The following YIPF1 variants were observed in gnomAD, a reference collection of about 807,000 sequenced individuals.
The protein encoded by YIPF1 is Yip1 domain family member 1, also known as protein YIPF1.
A neutral mutation model predicts 37.0 loss-of-function variants in YIPF1; 22 were observed. That is an observed-to-expected ratio of 0.59 (90% CI 0.42 to 0.85). YIPF1 has a LOEUF of 0.85. Ranked by LOEUF, YIPF1 falls within the 40% of genes least tolerant of loss-of-function variation. The pLI, the probability that YIPF1 is intolerant of heterozygous loss-of-function variation, is 0.00. For missense variants in YIPF1, 355 were observed against 373.1 expected, an observed-to-expected ratio of 0.95 and a Z score of 0.40; for synonymous variants, 128 against 131.9, an observed-to-expected ratio of 0.97 and a Z score of 0.21.
intron 7 of YIPF1, among the ~76,000 whole-genome samples, chr1:53,868,095 CA>C (rs1208961428): frequency 6.6e-6 from 1 of 152,194 alleles, no homozygotes; most frequent in Non-Finnish European, 1.5e-5. Flanking sequence ...CATGAATGTC[CA>C]AAACATGTTT....
intron 10 of YIPF1, among the ~76,000 whole-genome samples, chr1:53,856,719 G>A (rs1255463048): frequency 6.6e-6 from 1 of 152,148 alleles, no homozygotes; most frequent in Non-Finnish European, 1.5e-5. Flanking sequence ...ACTTGGCTAT[G>A]GCATTTAAAG....
chr1:53,854,145 G>A (rs1467199039), intron 10 of YIPF1, among the ~76,000 whole-genome samples: 2 of 152,056 alleles, frequency 1.3e-5, no homozygotes, highest in African/African-American at 4.8e-5. Flanking sequence ...CCAGCTACTC[G>A]GGAGGCTGAG....
chr1:53,875,831 C>T (rs1359738610), intron 6 of YIPF1, among the ~76,000 whole-genome samples: 1 of 152,184 alleles, frequency 6.6e-6, no homozygotes, highest in Non-Finnish European at 1.5e-5. Context: ...CAAAATTCAC[C>T]TTTTTAAATT....
At chr1:53,878,262 A>G in intron 6 of YIPF1, 53 bp downstream of exon 6, 1 of 1,579,530 alleles carries the variant, frequency 6.3e-7, no homozygotes, top group African/African-American at 1.3e-5. Flanking sequence ...GGCAACCCTC[A>G]CACTCACCCA....
At chr1:53,883,389 G>C in intron 3 of YIPF1, 113 bp from the exon 4 acceptor site, 1 of 1,179,404 alleles carries the variant, frequency 8.5e-7, no homozygotes. Context: ...GACCCTACCT[G>C]ATACAAAGGG....
At chr1:53,860,253 C>T (rs2100720885) in intron 9 of YIPF1, 100 bp from the exon 10 acceptor site, 1 of 1,021,570 alleles carries the variant, frequency 9.8e-7, no homozygotes, top group Admixed American at 2.3e-5. Flanking sequence ...ACTCTCACAG[C>T]CCCTAAGTTC....
At chr1:53,882,465 T>C (rs10749692) in intron 4 of YIPF1, among the ~76,000 whole-genome samples, 91,815 of 150,506 alleles carry the variant, frequency 0.61, 28,575 homozygotes, top group East Asian at 0.86. Context: ...TTTTTTTTTT[T>C]CTTTCTTCTG....
chr1:53,883,183 C>A lies in YIPF1; in HGVS notation c.125G>T (p.Gly42Val), dbSNP rs767979853. 1 of 1,602,164 alleles carries A rather than the reference C, an allele frequency of 6.2e-7. No homozygotes were observed. The highest frequency in any genetic ancestry group is 2.3e-5 in the East Asian group (1 of 43,714). Residue 42 changes from glycine to valine, a missense_variant, in exon 4 of 11, where the codon GGA (glycine) becomes GTA (valine). Physicochemically the swap from Gly to Val is moderately radical, Grantham distance 109 (BLOSUM62 -3). Coordinates refer to ENST00000072644, the MANE Select transcript of YIPF1 (RefSeq NM_018982.5). ...TTCTCTTCCTGAGCCTCTTGGGGAT[C>A]CTGGCTGATGTTTTGGGGTTTCACC... ...DPGETPKHQP[G>V]SPRGSGREED...
At chr1:53,867,485 G>T (rs1486508668) in intron 7 of YIPF1, among the ~76,000 whole-genome samples, 1 of 148,564 alleles carries the variant, frequency 6.7e-6, no homozygotes, top group Non-Finnish European at 1.5e-5. Flanking sequence ...CCATTCTCCT[G>T]CCTCAGCCTC....
At chr1:53,863,156 G>A (rs1040557525) in intron 9 of YIPF1, among the ~76,000 whole-genome samples, 33 of 152,324 alleles carry the variant, frequency 2.2e-4, no homozygotes, top group Non-Finnish European at 3.2e-4. Context: ...GCTCTTCTGA[G>A]TCCCTTACAG....
intron 4 of YIPF1, among the ~76,000 whole-genome samples, chr1:53,880,760 C>T (rs371057375): frequency 1.3e-5 from 2 of 152,094 alleles, no homozygotes; most frequent in Non-Finnish European, 2.9e-5. Context: ...TAAGAATGCA[C>T]GTCTACAACC....
At position 53,866,238 on chromosome 1, in the gene YIPF1, T is replaced by C. The variant is rs149856286; in HGVS notation, c.793A>G (p.Ile265Val). 8.3e-4 allele frequency: 1,343 copies of C among 1,613,966 alleles called. 1 individual carries two copies. Among genetic ancestry groups the C allele is most frequent in the Non-Finnish European group, 1.1e-3 (1,289 of 1,180,008 alleles). The change falls in exon 9 of 11, where the codon ATT becomes GTT. Residue 265 changes from isoleucine (I) to valine (V), a missense_variant. By Grantham distance (29) the Ile-to-Val change is conservative. Transcript: ENST00000072644. Reference protein sequence around the residue: ...RRVALATIVTIVLLHMLLSVG... With the variant: ...RRVALATIVTVVLLHMLLSVG... ...GAAAGCAGCATATGGAGCAACACAA[T>C]TGTCACAATTGTGGCCAATGCAACG... is the stretch of plus-strand genomic sequence containing the variant.
chr1:53,866,365 G>A lies in YIPF1; in HGVS notation c.666C>T (p.Pro222=). 6.2e-7 allele frequency: 1 copy of A among 1,614,028 alleles called. No individual in the cohort carries two copies. Residue 222 remains proline, a synonymous_variant, in exon 9 of 11, where the codon CCC becomes CCT. Transcript: ENST00000072644. ...YIPTAILWII[P]QKAVRWILVM... is the part of the protein sequence containing the mutation. ...CTAGAATCCAACGAACAGCTTTCTG[G>A]GGGATAATCCACAGTATCTGAAAGA...
chr1:53,867,718 C>T (rs1569619900), intron 7 of YIPF1, among the ~76,000 whole-genome samples: 2 of 152,318 alleles, frequency 1.3e-5, no homozygotes, highest in Admixed American at 1.3e-4. Context: ...GATTAACTTG[C>T]TCTGCATGCT....
chr1:53,867,775 T>C (rs1234399427), intron 7 of YIPF1, among the ~76,000 whole-genome samples: 2 of 152,226 alleles, frequency 1.3e-5, no homozygotes, highest in East Asian at 3.8e-4. Context: ...AGCTCACTGA[T>C]TAACTGCTTG....
chr1:53,869,317 T>C (rs1482752269), intron 7 of YIPF1, among the ~76,000 whole-genome samples: 1 of 149,122 alleles, frequency 6.7e-6, no homozygotes, highest in Non-Finnish European at 1.5e-5. Context: ...ATTGAATATA[T>C]GTGCACATAT....
At chr1:53,885,521 AAAAGT>A (rs1262826728) in intron 3 of YIPF1, among the ~76,000 whole-genome samples, 1 of 152,074 alleles carries the variant, frequency 6.6e-6, no homozygotes. Flanking sequence ...AAAAAGAAAG[AAAAGT>A]AAAGTATAAC....
intron 5 of YIPF1, 32 bp downstream of exon 5, chr1:53,878,610 C>T (rs751986227): frequency 6.0e-5 from 95 of 1,585,580 alleles, no homozygotes; most frequent in Non-Finnish European, 7.4e-5. Flanking sequence ...CTCCTTTACC[C>T]GTAAAAGGAA....
intron 6 of YIPF1, among the ~76,000 whole-genome samples, chr1:53,873,495 T>G (rs1650247277): frequency 6.6e-6 from 1 of 151,630 alleles, no homozygotes; most frequent in Non-Finnish European, 1.5e-5. Flanking sequence ...CCCTGTTGAG[T>G]TAGGAATTTA....
Sources: allele counts gnomAD v4.1 joint callset (sites outside exome capture counted in the v4.1 genomes callset), GRCh38; gene constraint gnomAD v4.1.1; transcripts MANE v1.5; gene names NCBI Gene and HGNC (gene_info 2026-07-23, HGNC 2026-07-21).